The following FBXO31 variants were observed in gnomAD, a reference collection of about 807,000 sequenced individuals.
The protein encoded by FBXO31 is F-box protein 31.
In FBXO31, 24 loss-of-function variants were observed where a neutral mutation model predicts 54.4. The ratio of observed to expected loss-of-function variants is 0.44; its 90% CI spans 0.32 to 0.62. The LOEUF (loss-of-function observed/expected upper bound fraction) is 0.62. Ranked by LOEUF, FBXO31 falls within the 20% of genes least tolerant of loss-of-function variation. The pLI is 0.05. For missense variants in FBXO31, 665 were observed against 787.1 expected, an observed-to-expected ratio of 0.84 and a Z score of 1.86; for synonymous variants, 388 against 335.6, an observed-to-expected ratio of 1.16 and a Z score of -1.71.
intron 1 of FBXO31, among the ~76,000 whole-genome samples, chr16:87,378,915 T>C (rs1319589340): frequency 1.4e-5 from 2 of 143,792 alleles, no homozygotes; most frequent in East Asian, 4.1e-4. Flanking sequence ...TGAGCAGAGA[T>C]GGCGCCACTG....
chr16:87,347,680 CA>C (rs34496343), intron 2 of FBXO31, among the ~76,000 whole-genome samples: 11,653 of 59,064 alleles, frequency 0.2, 406 homozygotes, highest in East Asian at 0.41. Context: ...ACTCAGTCTC[CA>C]AAAAAAAAAA....
chr16:87,359,011 T>G (rs1906019508), intron 2 of FBXO31, among the ~76,000 whole-genome samples: 4 of 152,222 alleles, frequency 2.6e-5, no homozygotes, highest in Admixed American at 2.0e-4. Flanking sequence ...AGGCTGATTT[T>G]CTTCCACCAC....
At chr16:87,365,022 TA>T (rs1906299655) in intron 1 of FBXO31, among the ~76,000 whole-genome samples, 1 of 100,250 alleles carries the variant, frequency 1.0e-5, no homozygotes, top group African/African-American at 3.9e-5. Context: ...TATATATATA[TA>T]TATATATATA....
intron 1 of FBXO31, among the ~76,000 whole-genome samples, chr16:87,377,601 A>C (rs1459264324): frequency 6.6e-6 from 1 of 152,148 alleles, no homozygotes; most frequent in Non-Finnish European, 1.5e-5. Context: ...CAAGGTGGGC[A>C]GATCACTTGA....
intron 1 of FBXO31, among the ~76,000 whole-genome samples, chr16:87,369,308 CCAGA>C (rs755946336): frequency 4.5e-4 from 69 of 152,186 alleles, no homozygotes; most frequent in Middle Eastern, 3.4e-3. Context: ...TTTCATCTTC[CCAGA>C]CAAACTGTCC....
intron 2 of FBXO31, among the ~76,000 whole-genome samples, chr16:87,352,987 G>A (rs1184055554): frequency 6.6e-6 from 1 of 152,212 alleles, no homozygotes; most frequent in Non-Finnish European, 1.5e-5. Flanking sequence ...CGGGGATGGA[G>A]ATTTTGTGGG....
intron 5 of FBXO31, 134 bp downstream of exon 5, chr16:87,342,743 C>T (rs1216041842): frequency 2.8e-6 from 2 of 707,568 alleles, no homozygotes; most frequent in East Asian, 2.9e-5. Flanking sequence ...ACTGACAATA[C>T]CGGCTGAACC....
intron 5 of FBXO31, among the ~76,000 whole-genome samples, chr16:87,339,005 T>TG (rs199884804): frequency 6.6e-6 from 1 of 152,062 alleles, no homozygotes; most frequent in East Asian, 1.9e-4. Flanking sequence ...TCTCTTTTTT[T>TG]GCCTGCCGCC....
chr16:87,390,607 A>AT (rs1292983784), upstream of FBXO31, among the ~76,000 whole-genome samples: 1 of 151,394 alleles, frequency 6.6e-6, no homozygotes, highest in Non-Finnish European at 1.5e-5. Context: ...CACCCGGCTA[A>AT]TTTTTGTATT....
chr16:87,371,016 C>T (rs982560450), intron 1 of FBXO31, among the ~76,000 whole-genome samples: 1 of 152,176 alleles, frequency 6.6e-6, no homozygotes, highest in Non-Finnish European at 1.5e-5. Context: ...CCCAACACTC[C>T]CAGCTCTGCA....
chr16:87,382,402 T>C (rs1907117263), intron 1 of FBXO31, among the ~76,000 whole-genome samples: 1 of 152,262 alleles, frequency 6.6e-6, no homozygotes, highest in South Asian at 2.1e-4. Flanking sequence ...GGATGTTTTC[T>C]AACCTGTCCT....
In FBXO31 at chr16:87,359,510, T is replaced by C. The variant is rs374804714; in HGVS notation, c.412+785A>G. 2.6e-5 allele frequency among the ~76,000 whole-genome samples: 4 copies of C among 152,326 alleles called. No homozygotes were observed. In the East Asian group the frequency reaches 5.8e-4, roughly 22 times the overall value. ...TGCTGACAACTCTTAGAGAGAAATA[T>C]GTCTTCATGTCACTTTGAGATGATA... is the stretch of plus-strand genomic sequence containing the variant. On this transcript the variant is annotated intron_variant, in intron 2 of 8. Coordinates refer to ENST00000311635, the MANE Select transcript of FBXO31 (RefSeq NM_024735.5).
rs72804093 is a variant in FBXO31 at position 87,337,566 on chromosome 16, G to A, written c.733-1302C>T. Among the ~76,000 whole-genome samples the A allele has an allele frequency of 3.5e-3, 533 of 152,320 alleles. 2 individuals carry two copies. The highest frequency in any genetic ancestry group is 6.8e-3 in the Middle Eastern group (2 of 294). On this transcript the variant is annotated intron_variant, in intron 5 of 8. Coordinates refer to ENST00000311635, the MANE Select transcript of FBXO31 (RefSeq NM_024735.5). The stretch of plus-strand genomic sequence containing the variant: ...GCTCCCGTCATGACACGGCGTGCAA[G>A]CCTCAGGCCTCACACGGGCACCAAC...
chr16:87,363,247 G>C (rs2150687788), intron 1 of FBXO31, among the ~76,000 whole-genome samples: 1 of 152,300 alleles, frequency 6.6e-6, no homozygotes, highest in South Asian at 2.1e-4. Flanking sequence ...AGCCGGGCAT[G>C]GTGGTGCATG....
rs547023158 is a variant in FBXO31 at position 87,338,248 on chromosome 16, A to G, written c.733-1984T>C. 6.6e-6 allele frequency among the ~76,000 whole-genome samples: 1 copy of G among 152,142 alleles called. No homozygotes were observed. Among genetic ancestry groups the G allele is most frequent in the African/African-American group, 2.4e-5 (1 of 41,510 alleles). ...ATACAAGCCACAAGAAAAAAAAAAAAACAGGGAGCCCAGGACATGCACGAC... is the reference window on the plus strand; with the variant it reads ...ATACAAGCCACAAGAAAAAAAAAAAGACAGGGAGCCCAGGACATGCACGAC... On this transcript the variant is annotated intron_variant, in intron 5 of 8. Coordinates refer to ENST00000311635, the MANE Select transcript of FBXO31 (RefSeq NM_024735.5). This position sits in a 1 kb window ranked among gnomAD's most constrained non-coding sequence, Gnocchi z 4.3.
At chr16:87,344,013 G>A (rs1158608124) in intron 3 of FBXO31, among the ~76,000 whole-genome samples, 1 of 152,236 alleles carries the variant, frequency 6.6e-6, no homozygotes, top group Non-Finnish European at 1.5e-5. Flanking sequence ...CCAGACAGAG[G>A]GAAAGGGGGT....
intron 2 of FBXO31, among the ~76,000 whole-genome samples, chr16:87,349,517 C>T (rs556437403): frequency 6.6e-6 from 1 of 152,170 alleles, no homozygotes; most frequent in East Asian, 1.9e-4. Flanking sequence ...CGAGACCAGC[C>T]TGGCCAACAT....
At chr16:87,388,543 T>G (rs1174705594), upstream of FBXO31, 1 of 152,236 alleles carries the variant, frequency 6.6e-6, no homozygotes, top group Non-Finnish European at 1.5e-5. Context: ...GCCTGAGGCC[T>G]GGAGCAAATT....
chr16:87,357,531 T>C (rs560529666), intron 2 of FBXO31, among the ~76,000 whole-genome samples: 2 of 152,082 alleles, frequency 1.3e-5, no homozygotes, highest in Non-Finnish European at 2.9e-5. Context: ...TTTCACCATG[T>C]TGGCCAGACA....
Sources: gnomAD v4.1 joint callset for allele counts (sites outside exome capture counted in the v4.1 genomes callset) on GRCh38, gnomAD v4.1.1 for gene constraint, Gnocchi (gnomAD v3.1) non-coding constraint, MANE v1.5 for transcripts, NCBI Gene and HGNC (gene_info 2026-07-23, HGNC 2026-07-21) for gene names.